The following PALLD variants were observed in gnomAD, a reference collection of about 807,000 sequenced individuals.
PALLD encodes the protein palladin.
PALLD carries 61 observed loss-of-function variants against 123.5 expected under a neutral mutation model. That is an observed-to-expected ratio of 0.49 (90% CI 0.40 to 0.61). The LOEUF (loss-of-function observed/expected upper bound fraction) is 0.61, where lower values mean the gene tolerates loss of function less well. Ranked by LOEUF, PALLD falls within the 20% of genes least tolerant of loss-of-function variation. The pLI is 0.00. For missense variants in PALLD, 1,273 were observed against 1,377.0 expected (o/e 0.92, Z 1.20); for synonymous variants, 465 against 496.4 (o/e 0.94, Z 0.84).
chr4:168,858,687 T>G (rs1748977712), intron 10 of PALLD, among the ~76,000 whole-genome samples: 1 of 151,498 alleles, frequency 6.6e-6, no homozygotes, highest in Non-Finnish European at 1.5e-5. Context: ...GAGGCTAAGG[T>G]GGAAGGATCA....
At chr4:168,896,952 C>T (rs1755327554) in intron 13 of PALLD, among the ~76,000 whole-genome samples, 1 of 152,184 alleles carries the variant, frequency 6.6e-6, no homozygotes. Flanking sequence ...CTGCCTCAGC[C>T]TCCCAAGTAG....
chr4:168,709,061 T>C lies in PALLD; in HGVS notation c.1535T>C (p.Phe512Ser). ...TGCACCCTAGTTATCGCTGAGACTT[T>C]CCCTGAAGATGCAGGGATCTTTACA... Reference protein sequence around the residue: ...EICTLVIAETFPEDAGIFTCS... With the variant: ...EICTLVIAETSPEDAGIFTCS... Residue 512 changes from phenylalanine (F) to serine (S), a missense_variant, in exon 9 of 22, where the codon TTC becomes TCC. Phe to Ser is a radical substitution (Grantham distance 155). Transcript: ENST00000505667. 2.5e-6 allele frequency: 4 copies of C among 1,613,294 alleles called. No individual in the cohort carries two copies. Among genetic ancestry groups the C allele is most frequent in the Non-Finnish European group, 3.4e-6 (4 of 1,179,228 alleles).
chr4:168,576,584 C>A (rs1580390481), intron 2 of PALLD, among the ~76,000 whole-genome samples: 1 of 152,150 alleles, frequency 6.6e-6, no homozygotes. Flanking sequence ...TTTATGGCTG[C>A]ATAGTATTCC....
chr4:168,677,532 A>G (rs1223181091), intron 3 of PALLD, among the ~76,000 whole-genome samples: 1 of 152,140 alleles, frequency 6.6e-6, no homozygotes, highest in Non-Finnish European at 1.5e-5. Context: ...TGATTGAAAC[A>G]TTTTGAATCA....
chr4:168,879,128 C>T (rs1752262107), intron 10 of PALLD, among the ~76,000 whole-genome samples: 1 of 152,048 alleles, frequency 6.6e-6, no homozygotes, highest in Admixed American at 6.5e-5. Context: ...TGGCCTGTGA[C>T]CTCGAGATAC....
At chr4:168,862,825 A>G (rs567889110) in intron 10 of PALLD, among the ~76,000 whole-genome samples, 3 of 152,328 alleles carry the variant, frequency 2.0e-5, no homozygotes, top group Admixed American at 6.5e-5. Context: ...GGGAAAGCAT[A>G]TACATGAAGT....
At chr4:168,728,611 T>C (rs1786827261) in intron 10 of PALLD, among the ~76,000 whole-genome samples, 1 of 152,214 alleles carries the variant, frequency 6.6e-6, no homozygotes, top group Non-Finnish European at 1.5e-5. Flanking sequence ...GGTGGAGTCT[T>C]TAGGAATTTT....
chr4:168,819,619 G>A, intron 10 of PALLD, among the ~76,000 whole-genome samples: 1 of 152,194 alleles, frequency 6.6e-6, no homozygotes, highest in Non-Finnish European at 1.5e-5. Flanking sequence ...CTACTGCTGG[G>A]AGTAATTATA....
intron 10 of PALLD, among the ~76,000 whole-genome samples, chr4:168,753,144 A>T (rs1731291615): frequency 6.6e-6 from 1 of 152,126 alleles, no homozygotes; most frequent in Admixed American, 6.5e-5. Flanking sequence ...CCACCTGACT[A>T]CTCACAAGCA....
At chr4:168,555,128 A>C (rs1767143054) in intron 2 of PALLD, among the ~76,000 whole-genome samples, 1 of 152,164 alleles carries the variant, frequency 6.6e-6, no homozygotes, top group Non-Finnish European at 1.5e-5. Context: ...AGAAAGAAAC[A>C]TGTAGATCTA....
intron 7 of PALLD, 27 bp from the exon 8 acceptor site, chr4:168,691,242 A>C (rs768326266): frequency 1.3e-6 from 2 of 1,572,666 alleles, no homozygotes; most frequent in Admixed American, 3.3e-5. Context: ...ACTTTGTTCT[A>C]ATTTATTTTT....
intron 10 of PALLD, chr4:168,863,737 C>T (rs2151042878): frequency 6.6e-6 from 1 of 152,200 alleles, no homozygotes; most frequent in African/African-American, 2.4e-5. Flanking sequence ...TTTATTTACT[C>T]CTGTGATATA....
chr4:168,654,990 TG>T (rs1778416721), intron 2 of PALLD, among the ~76,000 whole-genome samples: 1 of 151,072 alleles, frequency 6.6e-6, no homozygotes, highest in Non-Finnish European at 1.5e-5. Flanking sequence ...GCTACTTGTG[TG>T]TGTGTGTGTG....
chr4:168,712,522 A>G (rs1228334491), intron 10 of PALLD, among the ~76,000 whole-genome samples: 1 of 152,174 alleles, frequency 6.6e-6, no homozygotes, highest in Non-Finnish European at 1.5e-5. Context: ...GTTGATGTCC[A>G]TTATTTTCTT....
chr4:168,679,536 G>A (rs1781332152), intron 3 of PALLD, among the ~76,000 whole-genome samples: 1 of 147,896 alleles, frequency 6.8e-6, no homozygotes, highest in Admixed American at 6.7e-5. Context: ...TGGATATGGT[G>A]TGTGGGGAGT....
intron 10 of PALLD, among the ~76,000 whole-genome samples, chr4:168,795,601 A>G (rs557226031): frequency 6.6e-6 from 1 of 152,198 alleles, no homozygotes; most frequent in African/African-American, 2.4e-5. Context: ...TCCTATGTGG[A>G]TGAGCTCTAA....
chr4:168,850,680 C>T (rs975022872), intron 10 of PALLD, among the ~76,000 whole-genome samples: 2 of 151,736 alleles, frequency 1.3e-5, no homozygotes, highest in African/African-American at 2.4e-5. Flanking sequence ...TACAGGCGTG[C>T]ACCACCACAC....
intron 2 of PALLD, among the ~76,000 whole-genome samples, chr4:168,629,900 G>A (rs998731703): frequency 6.6e-6 from 1 of 152,156 alleles, no homozygotes; most frequent in Non-Finnish European, 1.5e-5. Context: ...AAGCAAGCAG[G>A]ACCAGTAAAA....
intron 1 of PALLD, among the ~76,000 whole-genome samples, chr4:168,505,178 C>T (rs1418200627): frequency 5.3e-5 from 8 of 152,164 alleles, no homozygotes; most frequent in African/African-American, 7.2e-5. Context: ...CATGTTCCCG[C>T]GGCAATAACT....
Sources: gnomAD v4.1 joint callset for allele counts (sites outside exome capture counted in the v4.1 genomes callset) on GRCh38, gnomAD v4.1.1 for gene constraint, MANE v1.5 for transcripts, NCBI Gene and HGNC (gene_info 2026-07-23, HGNC 2026-07-21) for gene names.